Variants in PACRG observed in about 807,000 individuals in gnomAD.
The protein encoded by PACRG is parkin coregulated, also known as parkin coregulated gene protein.
In PACRG, 29 loss-of-function variants were observed where a neutral mutation model predicts 29.7. That is an observed-to-expected ratio of 0.98 (90% CI 0.73 to 1.33). The LOEUF (loss-of-function observed/expected upper bound fraction) is 1.33, where lower values mean the gene tolerates loss of function less well. Ranked by LOEUF, PACRG falls within the 40% of genes most tolerant of loss-of-function variation. The probability of loss-of-function intolerance (pLI) is 0.00; values close to 1 mark genes in which losing one functional copy is unlikely to be tolerated. For missense variants in PACRG, 279 were observed against 316.2 expected, an observed-to-expected ratio of 0.88 and a Z score of 0.89; for synonymous variants, 116 against 118.7, an observed-to-expected ratio of 0.98 and a Z score of 0.15.
chr6:162,784,316 T>TG (rs1784298772), intron 1 of PACRG, among the ~76,000 whole-genome samples: 2 of 152,316 alleles, frequency 1.3e-5, no homozygotes, highest in Non-Finnish European at 2.9e-5. Context: ...GTTTCAGTCC[T>TG]TGTTCTAATA....
intron 4 of PACRG, chr6:163,187,845 C>G (rs939051140): frequency 4.6e-5 from 7 of 152,636 alleles, no homozygotes; most frequent in African/African-American, 7.2e-5. Context: ...GTCCGCTGAT[C>G]TGCGCCTGTC....
chr6:163,313,497 C>T (rs939060700), intron 4 of PACRG, among the ~76,000 whole-genome samples: 2 of 152,138 alleles, frequency 1.3e-5, no homozygotes, highest in Non-Finnish European at 2.9e-5. Flanking sequence ...TATATTTATT[C>T]TGGTCTGAAC....
chr6:162,852,380 G>A (rs1422742182), intron 2 of PACRG, among the ~76,000 whole-genome samples: 1 of 152,192 alleles, frequency 6.6e-6, no homozygotes, highest in Admixed American at 6.5e-5. Flanking sequence ...GGGGGCCAGG[G>A]TGCTGCCAGC....
At chr6:162,745,392 G>A (rs1348919889) in intron 1 of PACRG, among the ~76,000 whole-genome samples, 2 of 152,038 alleles carry the variant, frequency 1.3e-5, no homozygotes, top group African/African-American at 2.4e-5. Flanking sequence ...CGGGGGATGT[G>A]GGGTGAGGGG....
intron 4 of PACRG, among the ~76,000 whole-genome samples, chr6:163,274,739 C>T (rs922287064): frequency 2.6e-5 from 4 of 151,994 alleles, no homozygotes; most frequent in Admixed American, 6.6e-5. Context: ...GTTTTCTATT[C>T]GTTCTATAAT....
At position 162,746,190 on chromosome 6, in the gene PACRG, G is replaced by A. The variant is rs180999006; in HGVS notation, c.156+17799G>A. On this transcript the variant is annotated intron_variant, in intron 1 of 4. Coordinates refer to ENST00000366888, the MANE Select transcript of PACRG (RefSeq NM_001080379.2). ...AGGTTGTCTATTCTAAATTAAAGTA[G>A]CTATGAATAAATAGTCCCAGAGATA... 3.2e-3 allele frequency among the ~76,000 whole-genome samples: 494 copies of A among 152,208 alleles called. 3 individuals are homozygous for A. The highest frequency in any genetic ancestry group is 0.011 in the African/African-American group (445 of 41,522).
chr6:163,101,157 C>T (rs571465976), intron 4 of PACRG: 24 of 984,206 alleles, frequency 2.4e-5, no homozygotes, highest in African/African-American at 1.9e-4. Flanking sequence ...CCTCTGCCCC[C>T]GCCCCCCAAA....
chr6:162,896,451 C>T (rs1046777131), intron 2 of PACRG, among the ~76,000 whole-genome samples: 2 of 152,156 alleles, frequency 1.3e-5, no homozygotes, highest in East Asian at 1.9e-4. Context: ...ACGCATCCCA[C>T]GGTGCTGGCA....
chr6:163,050,717 C>A (rs184982310), intron 2 of PACRG, among the ~76,000 whole-genome samples: 5 of 152,216 alleles, frequency 3.3e-5, no homozygotes, highest in African/African-American at 1.2e-4. Flanking sequence ...ATTTTTTACC[C>A]TTTTCTCTGA....
intron 4 of PACRG, among the ~76,000 whole-genome samples, chr6:163,273,913 T>C (rs1371766237): frequency 6.6e-6 from 1 of 152,240 alleles, no homozygotes; most frequent in Non-Finnish European, 1.5e-5. Flanking sequence ...CCTTTTAAAT[T>C]CTTACTTGTT....
chr6:162,833,919 G>T (rs1313242994), intron 2 of PACRG, among the ~76,000 whole-genome samples: 1 of 152,036 alleles, frequency 6.6e-6, no homozygotes, highest in Non-Finnish European at 1.5e-5. Context: ...TCAAGTTGTG[G>T]TAAGTGGTAA....
intron 2 of PACRG, among the ~76,000 whole-genome samples, chr6:163,023,859 C>T (rs1426526866): frequency 6.6e-6 from 1 of 152,228 alleles, no homozygotes; most frequent in Non-Finnish European, 1.5e-5. Context: ...AGTTTGTTGG[C>T]TGCTTATATG....
chr6:163,116,257 G>A (rs1477609669), intron 4 of PACRG, among the ~76,000 whole-genome samples: 3 of 152,150 alleles, frequency 2.0e-5, no homozygotes, highest in Non-Finnish European at 4.4e-5. Flanking sequence ...GGTTGGAGCA[G>A]GAGCGAGATT....
intron 1 of PACRG, among the ~76,000 whole-genome samples, chr6:162,747,338 A>G (rs1211456616): frequency 4.5e-5 from 3 of 67,136 alleles, no homozygotes; most frequent in African/African-American, 3.1e-4. Context: ...ATATATATAT[A>G]TATATATATA....
At chr6:162,818,844 G>A (rs1337784431) in intron 2 of PACRG, among the ~76,000 whole-genome samples, 2 of 152,154 alleles carry the variant, frequency 1.3e-5, no homozygotes, top group Non-Finnish European at 2.9e-5. Flanking sequence ...AGGTATCAGA[G>A]ATATTTGAAT....
At chr6:163,232,991 G>C (rs1435099573) in intron 4 of PACRG, among the ~76,000 whole-genome samples, 1 of 152,228 alleles carries the variant, frequency 6.6e-6, no homozygotes, top group Admixed American at 6.5e-5. Flanking sequence ...ACTACAGCTG[G>C]AGTGGCCCTG....
At chr6:162,837,369 A>C (rs1217514880) in intron 2 of PACRG, among the ~76,000 whole-genome samples, 1 of 152,160 alleles carries the variant, frequency 6.6e-6, no homozygotes, top group Non-Finnish European at 1.5e-5. Context: ...CTGTTTCAAC[A>C]GTCCACACAT....
chr6:163,212,864 T>C (rs757920830), intron 4 of PACRG, among the ~76,000 whole-genome samples: 23 of 151,996 alleles, frequency 1.5e-4, no homozygotes, highest in South Asian at 6.2e-4. Context: ...CTGCAAGCTA[T>C]GCCTCCCAGG....
intron 4 of PACRG, among the ~76,000 whole-genome samples, chr6:163,108,439 G>A (rs531755887): frequency 1.5e-5 from 2 of 131,096 alleles, no homozygotes; most frequent in Non-Finnish European, 3.1e-5. Flanking sequence ...CTGTTGCCCA[G>A]GCTGGAACGC....
Sources: gnomAD v4.1 joint callset for allele counts (sites outside exome capture counted in the v4.1 genomes callset) on GRCh38, gnomAD v4.1.1 for gene constraint, MANE v1.5 for transcripts, NCBI Gene and HGNC (gene_info 2026-07-23, HGNC 2026-07-21) for gene names.